Variants in SH3RF1 observed in about 807,000 individuals in gnomAD.
The protein encoded by SH3RF1 is E3 ubiquitin-protein ligase SH3RF1.
SH3RF1 carries 32 observed loss-of-function variants against 74.0 expected under a neutral mutation model. The observed-to-expected ratio is 0.43, with a 90% CI of 0.33 to 0.58. The LOEUF (loss-of-function observed/expected upper bound fraction) is 0.58. Among genes scored for constraint, SH3RF1 ranks in the 20% least tolerant of loss-of-function variants. The pLI is 0.05. For missense variants in SH3RF1, 954 were observed against 1,130.9 expected, an observed-to-expected ratio of 0.84 and a Z score of 2.24; for synonymous variants, 396 against 439.6, an observed-to-expected ratio of 0.90 and a Z score of 1.24.
At chr4:169,155,420 T>G (rs952732902) in intron 4 of SH3RF1, 60 bp downstream of exon 4, 5 of 1,338,296 alleles carry the variant, frequency 3.7e-6, no homozygotes, top group Non-Finnish European at 5.3e-6. Context: ...AATTGCATAA[T>G]TAAGATTTAT....
chr4:169,198,603 A>T (rs2706711), intron 2 of SH3RF1, among the ~76,000 whole-genome samples: 145,304 of 152,184 alleles, frequency 0.95, 69,732 homozygotes, highest in East Asian at 1. Flanking sequence ...CATCAAATGA[A>T]CTTTTTTAGA....
intron 2 of SH3RF1, among the ~76,000 whole-genome samples, chr4:169,228,952 AAC>A (rs553769284): frequency 1.3e-5 from 2 of 149,138 alleles, no homozygotes; most frequent in African/African-American, 5.2e-5. Flanking sequence ...TTCTTCGAAA[AAC>A]AAACAAACAA....
At chr4:169,213,566 G>A (rs1323190029) in intron 2 of SH3RF1, among the ~76,000 whole-genome samples, 2 of 152,050 alleles carry the variant, frequency 1.3e-5, no homozygotes, top group African/African-American at 4.8e-5. Flanking sequence ...TTCATATACT[G>A]TGCCTTTAGA....
chr4:169,243,444 C>T (rs1385778903), intron 2 of SH3RF1, among the ~76,000 whole-genome samples: 1 of 152,206 alleles, frequency 6.6e-6, no homozygotes, highest in African/African-American at 2.4e-5. Flanking sequence ...ACCCAGCAGG[C>T]AGAGGTTGCA....
At chr4:169,186,655 A>G (rs1007433647) in intron 2 of SH3RF1, among the ~76,000 whole-genome samples, 9 of 150,684 alleles carry the variant, frequency 6.0e-5, no homozygotes, top group African/African-American at 2.2e-4. Context: ...AGAGATTCCC[A>G]TCATATCAAT....
At chr4:169,199,990 A>G (rs1042903349) in intron 2 of SH3RF1, among the ~76,000 whole-genome samples, 20 of 152,190 alleles carry the variant, frequency 1.3e-4, no homozygotes, top group Admixed American at 7.9e-4. Flanking sequence ...AAAATATTCC[A>G]GGCAAATATG....
In SH3RF1 at chr4:169,096,481, G is replaced by T. The variant is rs746280011; in HGVS notation, c.*38C>A. 2 of 1,600,160 alleles carry T rather than the reference G, an allele frequency of 1.2e-6. No homozygotes were observed. The highest frequency in any genetic ancestry group is 1.1e-5 in the South Asian group (1 of 88,628). ...TTAAACTGCTTTGTGCTACTTTGTTGTGTGAAGTGATTTTAAGCTTCTTCA... is the reference window on the plus strand; with the variant it reads ...TTAAACTGCTTTGTGCTACTTTGTTTTGTGAAGTGATTTTAAGCTTCTTCA... On this transcript the variant is annotated 3_prime_UTR_variant, in exon 12 of 12. Coordinates refer to ENST00000284637, the MANE Select transcript of SH3RF1 (RefSeq NM_020870.4).
chr4:169,262,295 T>C (rs980462437), intron 2 of SH3RF1, among the ~76,000 whole-genome samples: 1 of 152,234 alleles, frequency 6.6e-6, no homozygotes, highest in Non-Finnish European at 1.5e-5. Flanking sequence ...CATATTCTTC[T>C]ATATGGTTGA....
At chr4:169,144,548 A>T (rs1733840469) in intron 4 of SH3RF1, among the ~76,000 whole-genome samples, 1 of 152,144 alleles carries the variant, frequency 6.6e-6, no homozygotes, top group South Asian at 2.1e-4. Context: ...ATCTTTTCTG[A>T]CTCATGATAA....
intron 2 of SH3RF1, among the ~76,000 whole-genome samples, chr4:169,179,158 AT>A: frequency 6.6e-6 from 1 of 152,236 alleles, no homozygotes; most frequent in Non-Finnish European, 1.5e-5. Context: ...TCAGGGAACT[AT>A]CCCAGATGGG....
chr4:169,155,948 A>T (rs1734043976), intron 3 of SH3RF1, among the ~76,000 whole-genome samples: 1 of 152,196 alleles, frequency 6.6e-6, no homozygotes, highest in Non-Finnish European at 1.5e-5. Context: ...TGTACATCCT[A>T]CCGCTTTTCT....
In SH3RF1 at chr4:169,133,115, A is replaced by G. The variant is rs150066928; in HGVS notation, c.1069-2959T>C. ...AATTGCCATATAGAAACCAGGGCAT[A>G]AGGACCCACTTATATGGTGTAGACA... On this transcript the variant is annotated intron_variant, in intron 5 of 11. Coordinates refer to ENST00000284637, the MANE Select transcript of SH3RF1 (RefSeq NM_020870.4). Among the ~76,000 whole-genome samples the G allele has an allele frequency of 5.6e-4, 85 of 152,296 alleles. 1 individual carries two copies. Among genetic ancestry groups the G allele is most frequent in the African/African-American group, 1.6e-3 (67 of 41,570 alleles).
Position 169,094,410 on chromosome 4 carries a change from A to G in SH3RF1, c.*2109T>C, listed in dbSNP as rs958851161. On this transcript the variant is annotated 3_prime_UTR_variant, in exon 12 of 12. Transcript: ENST00000284637. ...AATCTCCCTCTACTGTCTGCAAAAAACCAATAGAAAACCCATACATTATAT... is the reference window on the plus strand; with the variant it reads ...AATCTCCCTCTACTGTCTGCAAAAAGCCAATAGAAAACCCATACATTATAT... 2.0e-5 allele frequency: 3 copies of G among 152,112 alleles called. No homozygotes were observed. The highest frequency in any genetic ancestry group is 7.2e-5 in the African/African-American group (3 of 41,412). 9.4% of individuals were successfully genotyped at this position (152,112 alleles called of 1,614,324 possible).
At chr4:169,148,825 C>T (rs1733932442) in intron 4 of SH3RF1, among the ~76,000 whole-genome samples, 1 of 152,108 alleles carries the variant, frequency 6.6e-6, no homozygotes, top group East Asian at 1.9e-4. Flanking sequence ...TGAAGGTGAG[C>T]TTTCTATACA....
intron 2 of SH3RF1, among the ~76,000 whole-genome samples, chr4:169,169,299 T>TA (rs887157655): frequency 8.5e-4 from 129 of 152,100 alleles, no homozygotes; most frequent in African/African-American, 3.0e-3. Context: ...GTCTTTTCAT[T>TA]AAAAAAATAA....
intron 2 of SH3RF1, among the ~76,000 whole-genome samples, chr4:169,251,774 T>A (rs886324951): frequency 6.6e-6 from 1 of 152,230 alleles, no homozygotes; most frequent in African/African-American, 2.4e-5. Context: ...GGAAACCCAA[T>A]CTGTTTCAGA....
At chr4:169,180,193 A>G (rs1734484411) in intron 2 of SH3RF1, among the ~76,000 whole-genome samples, 2 of 152,194 alleles carry the variant, frequency 1.3e-5, no homozygotes, top group African/African-American at 2.4e-5. Flanking sequence ...TTCCTTTCCA[A>G]TTTCTAATAC....
Position 169,120,014 on chromosome 4 carries a change from G to A in SH3RF1, c.1517+805C>T, listed in dbSNP as rs1162016311. On this transcript the variant is annotated intron_variant, in intron 8 of 11. Transcript: ENST00000284637. ...TAAAGCTCCTGTCACTCTATAACAGGGTTTCTCAACCTCAGTGACATTTTA... is the reference window on the plus strand; with the variant it reads ...TAAAGCTCCTGTCACTCTATAACAGAGTTTCTCAACCTCAGTGACATTTTA... Among the ~76,000 whole-genome samples, 3 of 151,922 alleles carry A rather than the reference G, an allele frequency of 2.0e-5. No individual in the cohort carries two copies. In the East Asian group the frequency reaches 5.8e-4, roughly 29 times the overall value.
intron 4 of SH3RF1, among the ~76,000 whole-genome samples, chr4:169,153,427 G>A (rs1734003730): frequency 6.6e-6 from 1 of 152,068 alleles, no homozygotes; most frequent in South Asian, 2.1e-4. Context: ...TTTTATACTG[G>A]GATTGTCTGG....
Sources: gnomAD v4.1 joint callset for allele counts (sites outside exome capture counted in the v4.1 genomes callset) on GRCh38, gnomAD v4.1.1 for gene constraint, MANE v1.5 for transcripts, NCBI Gene and HGNC (gene_info 2026-07-23, HGNC 2026-07-21) for gene names.